The following PGAP3 variants were observed in gnomAD, a reference collection of about 807,000 sequenced individuals.
The protein encoded by PGAP3 is GPI-specific phospholipase A2-like PGAP3.
In PGAP3, 31 loss-of-function variants were observed where a neutral mutation model predicts 40.3. The ratio of observed to expected loss-of-function variants is 0.77; its 90% confidence interval spans 0.58 to 1.04. The LOEUF (loss-of-function observed/expected upper bound fraction) is 1.04, where lower values mean the gene tolerates loss of function less well. Among genes scored for constraint, PGAP3 ranks in the 50% least tolerant of loss-of-function variants. PGAP3 has a pLI of 0.00. For missense variants in PGAP3, 413 were observed against 423.0 expected, an observed-to-expected ratio of 0.98 and a Z score of 0.21; for synonymous variants, 191 against 184.5, an observed-to-expected ratio of 1.04 and a Z score of -0.29.
rs2057300316 is a variant in PGAP3 at position 39,671,163 on chromosome 17, C to G, written c.*1640G>C. ...TTTATTAAGCACATCCCTTGCCACC[C>G]TCCCACCTTAAAAGTTTTCAGTATC... On this transcript the variant is annotated 3_prime_UTR_variant, in exon 8 of 8. Transcript: ENST00000300658. 1 of 152,396 alleles carries G rather than the reference C, an allele frequency of 6.6e-6. No individual in the cohort carries two copies. 9.4% of individuals were successfully genotyped at this position (152,396 alleles called of 1,614,324 possible).
At chr17:39,672,918 T>C (rs758352515) in intron 7 of PGAP3, 52 bp from the exon 8 acceptor site, 1 of 1,600,416 alleles carries the variant, frequency 6.2e-7, no homozygotes, top group Admixed American at 1.7e-5. Context: ...ACAGCTCGCA[T>C]GGAGACAAGG....
chr17:39,673,927 G>A (rs1312527483), intron 5 of PGAP3, 66 bp downstream of exon 5: 1 of 1,545,732 alleles, frequency 6.5e-7, no homozygotes, highest in Non-Finnish European at 8.9e-7. Context: ...CCCAGGGGAA[G>A]GCTGGGTGAC....
At chr17:39,682,951 C>A (rs1344888093) in intron 3 of PGAP3, among the ~76,000 whole-genome samples, 2 of 152,086 alleles carry the variant, frequency 1.3e-5, no homozygotes, top group East Asian at 3.8e-4. Context: ...GTGGCACATG[C>A]CTGTAGTCCC....
chr17:39,677,076 C>T (rs1035367833), intron 3 of PGAP3, among the ~76,000 whole-genome samples: 9 of 152,166 alleles, frequency 5.9e-5, no homozygotes, highest in East Asian at 3.8e-4. Flanking sequence ...TCAGCCCCTA[C>T]GCAGCTGTGT....
At chr17:39,684,775 T>G in intron 2 of PGAP3, 26 bp from the exon 3 acceptor site, 1 of 1,523,366 alleles carries the variant, frequency 6.6e-7, no homozygotes. Flanking sequence ...ATGAAGGAGG[T>G]TTGAAGGGCA....
Position 39,671,123 on chromosome 17 carries a change from GA to G in PGAP3, c.*1679del, listed in dbSNP as rs1397031749. 1 of 152,420 alleles carries G rather than the reference GA, an allele frequency of 6.6e-6. No homozygotes were observed. Among genetic ancestry groups the G allele is most frequent in the Non-Finnish European group, 1.5e-5 (1 of 68,058 alleles). The allele number at this position is 152,420 out of a possible 1,614,324, so 9.4% of individuals were successfully genotyped here. On this transcript the variant is annotated 3_prime_UTR_variant, in exon 8 of 8. Transcript: ENST00000300658. ...ACAAATGAGCTGAACAAGGGCAGGT[GA>G]GGCTTGGAATTGATTTATTAAGCAC...
chr17:39,673,746 C>T (rs1309649878), intron 5 of PGAP3, 96 bp from the exon 6 acceptor site: 1 of 1,520,492 alleles, frequency 6.6e-7, no homozygotes, highest in African/African-American at 1.4e-5. Flanking sequence ...GGTGCATGGC[C>T]CCTGAAGTCA....
Position 39,687,931 on chromosome 17 carries a change from C to T in PGAP3, c.84G>A (p.Val28=). The change falls in exon 1 of 8, where the codon GTG becomes GTA. Residue 28 remains valine (V), a synonymous_variant. Transcript: ENST00000300658. ...ASGSQGDREP[V]YRDCVLQCEE... ...CGCACTGCAGTACGCAGTCGCGGTA[C>T]ACCGGCTCACGGTCGCCCTGGGAGC... 1.3e-6 allele frequency: 2 copies of T among 1,495,428 alleles called. No homozygotes were observed. 92.6% of individuals were successfully genotyped at this position (1,495,428 alleles called of 1,614,324 possible). A position where few individuals can be genotyped will look rare whatever the true frequency, so the allele number is the denominator to read the frequency against.
intron 3 of PGAP3, among the ~76,000 whole-genome samples, chr17:39,682,779 A>G (rs1421452251): frequency 1.3e-5 from 2 of 152,086 alleles, no homozygotes; most frequent in Non-Finnish European, 2.9e-5. Flanking sequence ...CTCAACCCTC[A>G]TTTAAAATCC....
chr17:39,686,065 G>GA (rs2145147795), intron 1 of PGAP3, 46 bp from the exon 2 acceptor site: 1 of 1,544,814 alleles, frequency 6.5e-7, no homozygotes, highest in Non-Finnish European at 8.9e-7. Context: ...GCACAGAGAG[G>GA]AAAGAGAGAG....
intron 3 of PGAP3, among the ~76,000 whole-genome samples, chr17:39,684,124 CAAAAAAA>C (rs58205601): frequency 7.8e-5 from 5 of 64,386 alleles, no homozygotes; most frequent in African/African-American, 1.7e-4. Flanking sequence ...GACTCTGTCT[CAAAAAAA>C]AAAAAAAAAA....
At chr17:39,676,389 T>A (rs1315808249) in intron 3 of PGAP3, among the ~76,000 whole-genome samples, 1 of 152,110 alleles carries the variant, frequency 6.6e-6, no homozygotes, top group Non-Finnish European at 1.5e-5. Context: ...AGAAGAGGAC[T>A]GCAGGACTGA....
chr17:39,674,565 G>A, intron 4 of PGAP3, 52 bp downstream of exon 4: 14 of 1,510,850 alleles, frequency 9.3e-6, no homozygotes, highest in South Asian at 1.2e-5. Flanking sequence ...GCCCACTTCT[G>A]GGCTCCTCTG....
At chr17:39,684,893 T>A in intron 2 of PGAP3, 144 bp from the exon 3 acceptor site, 2 of 997,944 alleles carry the variant, frequency 2.0e-6, no homozygotes, top group Non-Finnish European at 2.8e-6. Context: ...GTTCAGTACC[T>A]CTTCAGACTA....
chr17:39,673,729 C>A, intron 5 of PGAP3, 79 bp from the exon 6 acceptor site: 3 of 1,573,398 alleles, frequency 1.9e-6, no homozygotes, highest in Non-Finnish European at 1.7e-6. Flanking sequence ...CTCCTCCCCC[C>A]AACATTGGTG....
intron 5 of PGAP3, 73 bp downstream of exon 5, chr17:39,673,920 A>T: frequency 2.0e-6 from 3 of 1,526,912 alleles, no homozygotes; most frequent in Non-Finnish European, 2.7e-6. Context: ...GAAGGCCCCC[A>T]GGGGAAGGCT....
chr17:39,673,323 C>T, intron 6 of PGAP3, 68 bp from the exon 7 acceptor site: 1 of 1,560,004 alleles, frequency 6.4e-7, no homozygotes, highest in Non-Finnish European at 8.7e-7. Context: ...ACCCCCAACT[C>T]CATGCTCTCT....
At position 39,672,853 on chromosome 17, in the gene PGAP3, C is replaced by T. The variant is rs1438954464; in HGVS notation, c.913G>A (p.Asp305Asn). The part of the protein sequence containing the change: ...HVLFFSFLED[D>N]SLYLLKESED... ...GATTCCTTCAGCAGGTACAGGCTGT[C>T]ATCTTCCAGAAAGCTGTGGGCCAAA... The change falls in exon 8 of 8, where the codon GAC becomes AAC. Residue 305 changes from aspartate to asparagine, a missense_variant. By Grantham distance (23) the Asp-to-Asn change is conservative (BLOSUM62 1). Transcript: ENST00000300658. The T allele has an allele frequency of 6.2e-7, 1 of 1,614,142 alleles. No homozygotes were observed. The highest frequency in any genetic ancestry group is 1.1e-5 in the South Asian group (1 of 91,074).
intron 3 of PGAP3, among the ~76,000 whole-genome samples, chr17:39,677,117 G>C (rs991290040): frequency 2.0e-5 from 3 of 152,194 alleles, no homozygotes; most frequent in East Asian, 1.9e-4. Context: ...GTATGTGTGA[G>C]CCTCCACTGC....
Sources: allele counts gnomAD v4.1 joint callset (sites outside exome capture counted in the v4.1 genomes callset), GRCh38; gene constraint gnomAD v4.1.1; transcripts MANE v1.5; gene names NCBI Gene and HGNC (gene_info 2026-07-23, HGNC 2026-07-21).